Variants in ARHGEF28 observed in about 807,000 individuals in gnomAD.
The protein encoded by ARHGEF28 is 190 kDa guanine nucleotide exchange factor.
A neutral mutation model predicts 206.6 loss-of-function variants in ARHGEF28; 152 were observed. The ratio of observed to expected loss-of-function variants is 0.74; its 90% CI spans 0.64 to 0.84. The LOEUF (loss-of-function observed/expected upper bound fraction) is 0.84. Among genes scored for constraint, ARHGEF28 ranks in the 40% least tolerant of loss-of-function variants. ARHGEF28 has a pLI of 0.00. For synonymous variants in ARHGEF28, 763 were observed against 776.4 expected (o/e 0.98, Z 0.29); for missense variants, 2,028 against 2,073.2 (o/e 0.98, Z 0.42).
In ARHGEF28 at chr5:73,833,595, G is replaced by A. The variant is rs560935939; in HGVS notation, c.1146+1136G>A. ...AGAAATCTAGAATGGGTCATGGAGT[G>A]TAGGACACAGTGGGAGTTCTGAGGA... On this transcript the variant is annotated intron_variant, in intron 10 of 35. Transcript: ENST00000513042. 7.7e-4 allele frequency among the ~76,000 whole-genome samples: 118 copies of A among 152,284 alleles called. No individual in the cohort carries two copies. The Middle Eastern group carries it at 0.01, about 13-fold the overall frequency.
At chr5:73,892,266 A>G (rs1448792878) in intron 27 of ARHGEF28, 36 bp downstream of exon 27, 5 of 1,533,304 alleles carry the variant, frequency 3.3e-6, no homozygotes, top group Non-Finnish European at 4.4e-6. Flanking sequence ...TATGGAACAG[A>G]GTTGTTCAAC....
intron 11 of ARHGEF28, among the ~76,000 whole-genome samples, chr5:73,845,527 C>T (rs1409274487): frequency 6.6e-6 from 1 of 152,110 alleles, no homozygotes; most frequent in Non-Finnish European, 1.5e-5. Flanking sequence ...TAGTCACATG[C>T]AAATCCCCCC....
intron 30 of ARHGEF28, chr5:73,898,347 AT>A (rs1293486258): frequency 1.8e-5 from 5 of 271,508 alleles, no homozygotes; most frequent in African/African-American, 4.3e-5. Context: ...CCGGCCAAAT[AT>A]CGGACCTTCC....
At chr5:73,706,323 G>T (rs923735322) in intron 2 of ARHGEF28, among the ~76,000 whole-genome samples, 1 of 152,054 alleles carries the variant, frequency 6.6e-6, no homozygotes, top group Non-Finnish European at 1.5e-5. Flanking sequence ...CAGCCTGGGC[G>T]ACAGAGCAAG....
At chr5:73,627,401 G>GT (rs2112106599) in intron 1 of ARHGEF28, 1 of 152,332 alleles carries the variant, frequency 6.6e-6, no homozygotes, top group African/African-American at 2.4e-5. Flanking sequence ...GCTGTCAGGT[G>GT]TAAGTGAAAT....
rs1367294332 is a variant in ARHGEF28 at position 73,940,950 on chromosome 5, G to C, written c.5055G>C (p.Arg1685Ser). The part of the protein sequence containing the change: ...ITEAKLNLPT[R>S]TMTRQDGETG... ...AAGCAAAGCTAAATCTACCGACAAGGACAATGACCAGACAAGATGGGGAAA... is the reference window on the plus strand; with the variant it reads ...AAGCAAAGCTAAATCTACCGACAAGCACAATGACCAGACAAGATGGGGAAA... The change falls in exon 36 of 36, where the codon AGG (arginine) becomes AGC (serine). Residue 1685 changes from arginine (R) to serine (S), a missense_variant. Around this residue, in one of 3 missense-constraint regions of ARHGEF28, gnomAD observed 803 missense variants for 768.0 expected, o/e 1.05. Transcript: ENST00000513042. 6.5e-7 allele frequency: 1 copy of C among 1,534,254 alleles called. No individual in the cohort carries two copies.
At chr5:73,866,769 T>G (rs1452149053) in intron 18 of ARHGEF28, among the ~76,000 whole-genome samples, 13 of 152,240 alleles carry the variant, frequency 8.5e-5, no homozygotes, top group Admixed American at 8.5e-4. Flanking sequence ...CTCCTAAATT[T>G]GAAAATCTCT....
intron 26 of ARHGEF28, among the ~76,000 whole-genome samples, 161 bp downstream of exon 26, chr5:73,887,840 T>A (rs1690890525): frequency 6.6e-6 from 1 of 152,222 alleles, no homozygotes; most frequent in South Asian, 2.1e-4. Context: ...GAGACAAGCA[T>A]CTCATTAGGT....
chr5:73,830,054 G>A (rs1757192451), intron 9 of ARHGEF28, among the ~76,000 whole-genome samples: 1 of 152,098 alleles, frequency 6.6e-6, no homozygotes, highest in African/African-American at 2.4e-5. Flanking sequence ...GACTCCCATA[G>A]GAGACACTGG....
intron 35 of ARHGEF28, among the ~76,000 whole-genome samples, chr5:73,916,023 C>G (rs1287299156): frequency 6.6e-6 from 1 of 152,086 alleles, no homozygotes; most frequent in African/African-American, 2.4e-5. Context: ...AAACTATTTT[C>G]AAAATTCAAA....
intron 22 of ARHGEF28, among the ~76,000 whole-genome samples, chr5:73,881,157 T>C (rs544123313): frequency 6.6e-6 from 1 of 152,296 alleles, no homozygotes; most frequent in Admixed American, 6.5e-5. Context: ...TGGGTTACCA[T>C]TTTGTTTCAC....
chr5:73,634,617 A>G (rs2112123713), intron 1 of ARHGEF28, among the ~76,000 whole-genome samples: 1 of 152,232 alleles, frequency 6.6e-6, no homozygotes, highest in Non-Finnish European at 1.5e-5. Context: ...TCCCTCTGTC[A>G]TTGTCCACAG....
rs61734875 is a variant in ARHGEF28, at chr5:73,886,088, T to C, written c.3294T>C (p.Ala1098=). 74,826 of 1,612,504 alleles carry C rather than the reference T, an allele frequency of 0.046. 2,056 individuals carry two copies. Among genetic ancestry groups the C allele is most frequent in the Non-Finnish European group, 0.052 (61,864 of 1,179,172 alleles). ...LYDGLVYWKT[A]TGRFKDILAL... is the part of the protein sequence containing the mutation. ...ATGGCCTTGTTTACTGGAAAACTGC[T>C]ACAGGTCGTTTCAAAGGTACTGTGG... Residue 1098 remains alanine (A), a synonymous_variant, in exon 25 of 36, where the codon GCT becomes GCC. Transcript: ENST00000513042.
At chr5:73,778,902 G>A (rs373766000) in intron 6 of ARHGEF28, among the ~76,000 whole-genome samples, 9 of 152,144 alleles carry the variant, frequency 5.9e-5, no homozygotes, top group South Asian at 2.1e-4. Flanking sequence ...GCTATAGATG[G>A]TGACTTTGAT....
At chr5:73,714,879 A>G (rs1397435836) in intron 2 of ARHGEF28, among the ~76,000 whole-genome samples, 1 of 152,204 alleles carries the variant, frequency 6.6e-6, no homozygotes, top group Non-Finnish European at 1.5e-5. Context: ...CTTGCAGTAA[A>G]AGGTGTGAAT....
chr5:73,681,152 A>G (rs1266511713), intron 1 of ARHGEF28, among the ~76,000 whole-genome samples: 1 of 151,296 alleles, frequency 6.6e-6, no homozygotes, highest in Non-Finnish European at 1.5e-5. Context: ...GTACAAAAAT[A>G]CATAAGGATC....
At chr5:73,710,102 T>C (rs913032308) in intron 2 of ARHGEF28, among the ~76,000 whole-genome samples, 1 of 152,238 alleles carries the variant, frequency 6.6e-6, no homozygotes, top group African/African-American at 2.4e-5. Context: ...CTGGGTCTTA[T>C]AAGCTATGTT....
At chr5:73,878,104 G>A (rs1446957310) in intron 22 of ARHGEF28, among the ~76,000 whole-genome samples, 8 of 152,024 alleles carry the variant, frequency 5.3e-5, no homozygotes, top group Non-Finnish European at 1.0e-4. Context: ...GAATCTGGGT[G>A]CTCCTGTATT....
intron 1 of ARHGEF28, 122 bp from the exon 2 acceptor site, chr5:73,684,718 CT>C: frequency 1.5e-6 from 1 of 645,446 alleles, no homozygotes; most frequent in Non-Finnish European, 2.6e-6. Context: ...TATTTTGTCT[CT>C]GCAGTTTTCC....
Sources: gnomAD v4.1 joint callset for allele counts (sites outside exome capture counted in the v4.1 genomes callset) on GRCh38, gnomAD v4.1.1 for gene constraint, gnomAD v4.1.1 regional missense constraint, MANE v1.5 for transcripts, NCBI Gene and HGNC (gene_info 2026-07-23, HGNC 2026-07-21) for gene names.